Variants in PAPPA2 observed in about 807,000 individuals in gnomAD.
PAPPA2 encodes the protein pappalysin 2.
Under a neutral mutation model 176.4 loss-of-function variants are expected in PAPPA2, and 86 were observed. That is an observed-to-expected ratio of 0.49 (90% CI 0.41 to 0.58). The LOEUF is 0.58. PAPPA2 is among the 20% of genes least tolerant of loss of function. The probability of loss-of-function intolerance (pLI) is 0.00; values close to 1 mark genes in which losing one functional copy is unlikely to be tolerated. For synonymous variants in PAPPA2, 809 were observed against 852.2 expected, an observed-to-expected ratio of 0.95 and a Z score of 0.88; for missense variants, 2,073 against 2,256.9, an observed-to-expected ratio of 0.92 and a Z score of 1.65.
chr1:176,723,234 GCT>G (rs1558543070), intron 12 of PAPPA2, among the ~76,000 whole-genome samples: 1 of 152,120 alleles, frequency 6.6e-6, no homozygotes, highest in Non-Finnish European at 1.5e-5. Flanking sequence ...CCTTTGAAAG[GCT>G]CTGTCTCTTG....
At chr1:176,665,697 A>G (rs942486020) in intron 3 of PAPPA2, among the ~76,000 whole-genome samples, 6 of 152,160 alleles carry the variant, frequency 3.9e-5, no homozygotes, top group Non-Finnish European at 8.8e-5. Context: ...TGATTTTTAA[A>G]TCTTTCCATG....
chr1:176,751,254 T>A (rs1450952978), intron 14 of PAPPA2, among the ~76,000 whole-genome samples: 1 of 150,058 alleles, frequency 6.7e-6, no homozygotes, highest in African/African-American at 2.5e-5. Context: ...CCTTGTAGTA[T>A]AGTTTGAAGT....
chr1:176,684,546 C>A (rs1024314226), intron 4 of PAPPA2, among the ~76,000 whole-genome samples: 6 of 152,018 alleles, frequency 3.9e-5, no homozygotes, highest in South Asian at 2.1e-4. Flanking sequence ...CTCGTCCCTA[C>A]CCCCCCACTC....
chr1:176,572,464 C>T (rs1157336582), intron 2 of PAPPA2, among the ~76,000 whole-genome samples: 1 of 152,094 alleles, frequency 6.6e-6, no homozygotes, highest in Non-Finnish European at 1.5e-5. Flanking sequence ...CTCTCAGACT[C>T]TCAAACCAGT....
intron 12 of PAPPA2, among the ~76,000 whole-genome samples, chr1:176,721,718 GTCTT>G (rs1348800553): frequency 6.6e-6 from 1 of 151,998 alleles, no homozygotes; most frequent in Non-Finnish European, 1.5e-5. Context: ...GTCTTCAACA[GTCTT>G]TCTATGATGT....
At chr1:176,467,367 C>G (rs114633994) in intron 1 of PAPPA2, among the ~76,000 whole-genome samples, 2 of 152,232 alleles carry the variant, frequency 1.3e-5, no homozygotes, top group African/African-American at 4.8e-5. Context: ...AGTTGTTTTT[C>G]TCTGAGTTTT....
At chr1:176,754,506 C>A (rs1434394458) in intron 14 of PAPPA2, among the ~76,000 whole-genome samples, 1 of 151,892 alleles carries the variant, frequency 6.6e-6, no homozygotes, top group Non-Finnish European at 1.5e-5. Context: ...AAAAATAAGC[C>A]CCATGGCCCT....
At chr1:176,586,969 T>G (rs1282800403) in intron 2 of PAPPA2, among the ~76,000 whole-genome samples, 1 of 152,216 alleles carries the variant, frequency 6.6e-6, no homozygotes, top group Non-Finnish European at 1.5e-5. Flanking sequence ...TTCCTGATTT[T>G]TTAATAATCA....
chr1:176,799,404 G>A (rs1430664768), intron 20 of PAPPA2, among the ~76,000 whole-genome samples: 1 of 152,216 alleles, frequency 6.6e-6, no homozygotes, highest in Non-Finnish European at 1.5e-5. Context: ...GAACGTAACT[G>A]CGCTCCCACC....
In PAPPA2 at chr1:176,671,109, C is replaced by A. The variant is rs995199150; in HGVS notation, c.2131C>A (p.His711Asn). The A allele has an allele frequency of 3.1e-6, 5 of 1,613,532 alleles. No individual in the cohort carries two copies. In the African/African-American group the frequency reaches 5.3e-5, roughly 17 times the overall value. The stretch of plus-strand genomic sequence containing the variant: ...GCCTTGGGACAAGGACGCTGTCACT[C>A]ACCTGGGTAAGTGAAATGAAGACCA... The part of the protein sequence containing the change: ...TWPWDKDAVT[H>N]LGGIVLSPAY... Residue 711 changes from histidine (H) to asparagine (N), a missense_variant, in exon 4 of 23, where the codon CAC becomes AAC. His to Asn is a moderately conservative substitution (Grantham distance 68). Coordinates refer to ENST00000367662, the MANE Select transcript of PAPPA2 (RefSeq NM_020318.3).
At chr1:176,680,526 C>T (rs1256591201) in intron 4 of PAPPA2, among the ~76,000 whole-genome samples, 1 of 152,114 alleles carries the variant, frequency 6.6e-6, no homozygotes, top group Non-Finnish European at 1.5e-5. Flanking sequence ...AGAAACAATA[C>T]AAAAACATTC....
intron 13 of PAPPA2, 89 bp downstream of exon 13, chr1:176,739,850 G>T (rs1380254997): frequency 6.3e-7 from 1 of 1,575,354 alleles, no homozygotes; most frequent in Non-Finnish European, 8.7e-7. Context: ...TATGTTGTCT[G>T]GGATCTTGCC....
At position 176,797,521 on chromosome 1, in the gene PAPPA2, C is replaced by T. The variant is rs542347073; in HGVS notation, c.5131-2540C>T. On this transcript the variant is annotated intron_variant, in intron 20 of 22. Transcript: ENST00000367662. ...TAAAATTAGCCTGATATGATACATG[C>T]CTGTAGTTTCAGCTAGTCAGGAGGC... Among the ~76,000 whole-genome samples, 9 of 152,062 alleles carry T rather than the reference C, an allele frequency of 5.9e-5. No homozygotes were observed. In the East Asian group the frequency reaches 1.7e-3, roughly 29 times the overall value.
At chr1:176,739,791 A>G in intron 13 of PAPPA2, 30 bp downstream of exon 13, 1 of 1,609,958 alleles carries the variant, frequency 6.2e-7, no homozygotes, top group Non-Finnish European at 8.5e-7. Flanking sequence ...CTTTAGGGTC[A>G]CTAGAGGACA....
At chr1:176,497,966 G>A (rs1269203649) in intron 1 of PAPPA2, among the ~76,000 whole-genome samples, 1 of 152,152 alleles carries the variant, frequency 6.6e-6, no homozygotes, top group Non-Finnish European at 1.5e-5. Flanking sequence ...AGTCCACTGT[G>A]TCTTTGGTCC....
At chr1:176,721,264 C>A (rs1341906441) in intron 12 of PAPPA2, among the ~76,000 whole-genome samples, 1 of 152,216 alleles carries the variant, frequency 6.6e-6, no homozygotes, top group Non-Finnish European at 1.5e-5. Context: ...TTAATACTCT[C>A]ACAATTTTAT....
intron 21 of PAPPA2, among the ~76,000 whole-genome samples, chr1:176,807,213 G>A (rs1030489015): frequency 6.6e-6 from 1 of 152,092 alleles, no homozygotes; most frequent in Non-Finnish European, 1.5e-5. Flanking sequence ...AAAGCACAAG[G>A]ATACTTCTCC....
intron 3 of PAPPA2, among the ~76,000 whole-genome samples, chr1:176,628,460 T>C (rs1480162422): frequency 6.6e-6 from 1 of 152,194 alleles, no homozygotes; most frequent in African/African-American, 2.4e-5. Context: ...GAGACATGCC[T>C]TGATTTCCAC....
intron 1 of PAPPA2, among the ~76,000 whole-genome samples, chr1:176,525,860 G>C (rs1450425586): frequency 6.6e-6 from 1 of 152,158 alleles, no homozygotes; most frequent in Non-Finnish European, 1.5e-5. Flanking sequence ...CAATCTCTCT[G>C]AATGGTTTTA....
Sources: gnomAD v4.1 joint callset for allele counts (sites outside exome capture counted in the v4.1 genomes callset) on GRCh38, gnomAD v4.1.1 for gene constraint, MANE v1.5 for transcripts, NCBI Gene and HGNC (gene_info 2026-07-23, HGNC 2026-07-21) for gene names.